The following ETHE1 variants were observed in gnomAD, a reference collection of about 807,000 sequenced individuals.
The protein encoded by ETHE1 is persulfide dioxygenase ETHE1, mitochondrial.
ETHE1 carries 16 observed loss-of-function variants against 25.7 expected under a neutral mutation model. The ratio of observed to expected loss-of-function variants is 0.62; its 90% CI spans 0.42 to 0.95. The LOEUF is 0.95. ETHE1 is among the 40% of genes least tolerant of loss of function. The pLI, the probability that ETHE1 is intolerant of heterozygous loss-of-function variation, is 0.00. For synonymous variants in ETHE1, 139 were observed against 135.9 expected (o/e 1.02, Z -0.16); for missense variants, 300 against 333.6 (o/e 0.90, Z 0.79).
In ETHE1 at chr19:43,508,866, T is replaced by C. The variant is rs2145979349; in HGVS notation, c.506-2A>G. ...AGTGGTACAAGGTCTTGGCACAGCC[T>C]GGGGAAGGAAAGATCAGAGGTCAGT... On this transcript the variant is annotated splice_acceptor_variant, in intron 4 of 6. Transcript: ENST00000292147. LOFTEE classifies it high-confidence loss of function. 4.4e-6 allele frequency: 7 copies of C among 1,601,990 alleles called. No homozygotes were observed. Among genetic ancestry groups the C allele is most frequent in the Non-Finnish European group, 6.0e-6 (7 of 1,174,236 alleles).
At chr19:43,519,032 G>T (rs1257247543) in intron 3 of ETHE1, among the ~76,000 whole-genome samples, 2 of 70,252 alleles carry the variant, frequency 2.8e-5, no homozygotes, top group Non-Finnish European at 5.1e-5. Flanking sequence ...TTTTTTTTGA[G>T]ACAGTCTTGC....
At chr19:43,515,027 G>T (rs1459763161) in intron 3 of ETHE1, among the ~76,000 whole-genome samples, 1 of 151,916 alleles carries the variant, frequency 6.6e-6, no homozygotes, top group Non-Finnish European at 1.5e-5. Flanking sequence ...ATTTTAAAAA[G>T]GTAAGCACAC....
intron 3 of ETHE1, among the ~76,000 whole-genome samples, chr19:43,516,620 T>A (rs979876033): frequency 9.7e-6 from 1 of 102,914 alleles, no homozygotes; most frequent in South Asian, 3.4e-4. Context: ...TCTTTCTTTT[T>A]TTCTTTTTTT....
chr19:43,519,073 G>A (rs930826497), intron 3 of ETHE1, among the ~76,000 whole-genome samples: 5 of 139,380 alleles, frequency 3.6e-5, no homozygotes, highest in South Asian at 2.3e-4. Flanking sequence ...GCAGTGGTGC[G>A]ATCTCGTCTC....
chr19:43,515,493 GTCCT>G (rs1163370654), intron 3 of ETHE1, among the ~76,000 whole-genome samples: 1 of 151,452 alleles, frequency 6.6e-6, no homozygotes, highest in Non-Finnish European at 1.5e-5. Context: ...ATAAACAGTA[GTCCT>G]TCCTTATCCG....
intron 3 of ETHE1, among the ~76,000 whole-genome samples, chr19:43,525,125 TA>T (rs60796262): frequency 5.2e-4 from 47 of 90,464 alleles, no homozygotes; most frequent in East Asian, 1.2e-3. Flanking sequence ...CAGTCTCAAA[TA>T]AAAAAAAAAA....
intron 5 of ETHE1, 67 bp from the exon 6 acceptor site, chr19:43,508,127 C>A: frequency 6.3e-7 from 1 of 1,596,912 alleles, no homozygotes; most frequent in Non-Finnish European, 8.5e-7. Flanking sequence ...GAACTACATT[C>A]CCCAGGAGGC....
At chr19:43,523,366 A>G (rs533440888) in intron 3 of ETHE1, among the ~76,000 whole-genome samples, 1 of 152,024 alleles carries the variant, frequency 6.6e-6, no homozygotes, top group East Asian at 1.9e-4. Flanking sequence ...TGCCTCCCGG[A>G]TTCAAGCAAT....
intron 3 of ETHE1, 92 bp from the exon 4 acceptor site, chr19:43,511,658 C>G: frequency 7.0e-7 from 1 of 1,424,886 alleles, no homozygotes; most frequent in East Asian, 2.3e-5. Flanking sequence ...AGGGTCTTAT[C>G]TAGATAAACA....
chr19:43,515,721 C>G (rs1169897837), intron 3 of ETHE1, among the ~76,000 whole-genome samples: 1 of 152,016 alleles, frequency 6.6e-6, no homozygotes, highest in Non-Finnish European at 1.5e-5. Flanking sequence ...GTTACAGGTG[C>G]CCACCACCAT....
intron 3 of ETHE1, among the ~76,000 whole-genome samples, chr19:43,524,011 G>A (rs1020660743): frequency 1.2e-4 from 18 of 151,422 alleles, no homozygotes; most frequent in African/African-American, 4.1e-4. Context: ...CAGGGCGCGC[G>A]GATCACCTGA....
intron 3 of ETHE1, among the ~76,000 whole-genome samples, chr19:43,516,023 A>G (rs1338161826): frequency 1.3e-5 from 2 of 152,204 alleles, no homozygotes; most frequent in African/African-American, 4.8e-5. Context: ...CATGCTACTC[A>G]GAACGATGTA....
chr19:43,523,303 C>T (rs1273278548), intron 3 of ETHE1, among the ~76,000 whole-genome samples: 2 of 152,108 alleles, frequency 1.3e-5, no homozygotes, highest in Non-Finnish European at 2.9e-5. Context: ...TGGAATCTCG[C>T]TTTGTCACCC....
At chr19:43,516,076 T>C (rs1026440274) in intron 3 of ETHE1, among the ~76,000 whole-genome samples, 3 of 152,202 alleles carry the variant, frequency 2.0e-5, no homozygotes, top group African/African-American at 7.2e-5. Context: ...AATTTTCCAT[T>C]GAATATCTTC....
At position 43,506,792 on chromosome 19, in the gene ETHE1, G is replaced by A. The variant is rs1326816773; in HGVS notation, c.*58C>T. The A allele has an allele frequency of 4.7e-6, 7 of 1,496,392 alleles. No individual in the cohort carries two copies. Among genetic ancestry groups the A allele is most frequent in the South Asian group, 2.3e-5 (2 of 88,676 alleles). 92.7% of individuals were successfully genotyped at this position (1,496,392 alleles called of 1,614,324 possible). On this transcript the variant is annotated 3_prime_UTR_variant, in exon 7 of 7. Coordinates refer to ENST00000292147, the MANE Select transcript of ETHE1 (RefSeq NM_014297.5). Reference sequence around the variant, plus strand: ...AAAGGAGAGGTGCAGTGTCATTGCCGCCCTCTCCTCCCACCTAGTGCATTA... The same window carrying A: ...AAAGGAGAGGTGCAGTGTCATTGCCACCCTCTCCTCCCACCTAGTGCATTA...
chr19:43,516,557 C>T (rs925055358), intron 3 of ETHE1, among the ~76,000 whole-genome samples: 4 of 151,958 alleles, frequency 2.6e-5, no homozygotes, highest in Admixed American at 6.6e-5. Context: ...GCCTCATCCT[C>T]CCAAAATGCT....
At chr19:43,518,925 A>G (rs1354008384) in intron 3 of ETHE1, among the ~76,000 whole-genome samples, 1 of 146,858 alleles carries the variant, frequency 6.8e-6, no homozygotes, top group Admixed American at 7.0e-5. Flanking sequence ...CATTTGGGGG[A>G]GAGGGGCGCG....
In ETHE1 at chr19:43,509,485, C is replaced by A. The variant is rs373816027; in HGVS notation, c.506-621G>T. Among the ~76,000 whole-genome samples the A allele has an allele frequency of 6.0e-3, 648 of 108,538 alleles. 9 individuals carry two copies. The highest frequency in any genetic ancestry group is 0.022 in the African/African-American group (588 of 27,232). The allele number at this position is 108,538 out of a possible 152,430, so 71.2% of individuals were successfully genotyped here. ...GCCCTCCAGCCTGGGAGATAGAGCG[C>A]GGCTCTGTCTCAAGAAAAAAAAAAA... On this transcript the variant is annotated intron_variant, in intron 4 of 6. Transcript: ENST00000292147.
chr19:43,511,331 C>A, intron 4 of ETHE1, 106 bp downstream of exon 4: 1 of 1,536,046 alleles, frequency 6.5e-7, no homozygotes, highest in Non-Finnish European at 9.0e-7. Context: ...TACTGAAGCC[C>A]CCTAAAAGTC....
Sources: gnomAD v4.1 joint callset for allele counts (sites outside exome capture counted in the v4.1 genomes callset) on GRCh38, gnomAD v4.1.1 for gene constraint, MANE v1.5 for transcripts, NCBI Gene and HGNC (gene_info 2026-07-23, HGNC 2026-07-21) for gene names.